UTRN: variants seen among roughly 807,000 people sequenced by gnomAD.
UTRN encodes the protein utrophin.
Under a neutral mutation model 463.9 loss-of-function variants are expected in UTRN, and 283 were observed. That is an observed-to-expected ratio of 0.61 (90% CI 0.55 to 0.67). The LOEUF (loss-of-function observed/expected upper bound fraction) is 0.67. UTRN is among the 30% of genes least tolerant of loss of function. The probability of loss-of-function intolerance (pLI) is 0.00; values close to 1 mark genes in which losing one functional copy is unlikely to be tolerated. For missense variants in UTRN, 3,922 were observed against 4,084.3 expected, an observed-to-expected ratio of 0.96 and a Z score of 1.08; for synonymous variants, 1,442 against 1,431.5, an observed-to-expected ratio of 1.01 and a Z score of -0.17.
intron 53 of UTRN, chr6:144,707,029 G>A (rs1785167739): frequency 6.6e-6 from 1 of 152,168 alleles, no homozygotes; most frequent in Non-Finnish European, 1.5e-5. Context: ...ATCCTGGATT[G>A]TAGTATGCCT....
Position 144,424,103 on chromosome 6 carries a change from T to C in UTRN, c.405+25T>C, listed in dbSNP as rs780979510. Reference sequence around the variant, plus strand: ...GGTGGGGAAATTTCCAATCACTTTTTAATAGAGATGGAAAATGTGTTGTTT... The same window carrying C: ...GGTGGGGAAATTTCCAATCACTTTTCAATAGAGATGGAAAATGTGTTGTTT... On this transcript the variant is annotated intron_variant, in intron 6 of 74. Transcript: ENST00000367545. The C allele has an allele frequency of 5.0e-6, 8 of 1,603,702 alleles. No individual in the cohort carries two copies. In the African/African-American group the frequency reaches 9.4e-5, roughly 19 times the overall value.
intron 52 of UTRN, among the ~76,000 whole-genome samples, chr6:144,683,712 GGTTAATTTCCTCA>G (rs1782445366): frequency 1.3e-5 from 2 of 152,088 alleles, no homozygotes; most frequent in African/African-American, 4.8e-5. Context: ...TTTCAATAGA[GGTTAATTTCCTCA>G]TTTTCCTCAC....
intron 22 of UTRN, among the ~76,000 whole-genome samples, chr6:144,461,711 G>C (rs1473965285): frequency 1.3e-5 from 2 of 152,170 alleles, no homozygotes; most frequent in African/African-American, 4.8e-5. Context: ...GTAGCCTTAT[G>C]GCTCTGTGCT....
At chr6:144,584,144 G>T (rs886447856) in intron 51 of UTRN, among the ~76,000 whole-genome samples, 2 of 152,258 alleles carry the variant, frequency 1.3e-5, no homozygotes, top group East Asian at 3.9e-4. Flanking sequence ...TACACTTGAA[G>T]AATTTAATTT....
chr6:144,496,750 G>A (rs768295748), intron 33 of UTRN, among the ~76,000 whole-genome samples: 3 of 152,192 alleles, frequency 2.0e-5, no homozygotes, highest in Non-Finnish European at 4.4e-5. Context: ...TATGAAGAAT[G>A]TACATGGTTC....
intron 66 of UTRN, among the ~76,000 whole-genome samples, chr6:144,823,050 C>A (rs1779737385): frequency 6.6e-6 from 1 of 152,036 alleles, no homozygotes; most frequent in Non-Finnish European, 1.5e-5. Context: ...TTCTGAGTGA[C>A]TCTATTAGGT....
chr6:144,335,160 C>T (rs1187406546), intron 2 of UTRN, among the ~76,000 whole-genome samples: 1 of 152,174 alleles, frequency 6.6e-6, no homozygotes. Context: ...TACTACTGGA[C>T]ATTCTCTGGC....
rs190061068 is a variant in UTRN, at chr6:144,663,241, C to G, written c.7480-15165C>G. 1.1e-4 allele frequency among the ~76,000 whole-genome samples: 16 copies of G among 152,040 alleles called. 1 individual carries two copies. The highest frequency in any genetic ancestry group is 3.9e-4 in the African/African-American group (16 of 41,396). On this transcript the variant is annotated intron_variant, in intron 51 of 74. Transcript: ENST00000367545. ...TGACCCCATACCAAGATGTGCCTGC[C>G]AGCAAGCAGGTCCTAATCATCTAAC... is the stretch of plus-strand genomic sequence containing the variant.
At chr6:144,583,268 T>TG (rs768385216) in intron 51 of UTRN, 53 of 409,458 alleles carry the variant, frequency 1.3e-4, no homozygotes, top group Non-Finnish European at 1.1e-4. Context: ...GAGCATCTGC[T>TG]GGGGGGCTTT....
intron 73 of UTRN, among the ~76,000 whole-genome samples, chr6:144,846,092 G>A (rs186388711): frequency 1.1e-3 from 163 of 152,314 alleles, no homozygotes; most frequent in African/African-American, 3.7e-3. Context: ...CAAAAGAGGG[G>A]ACGAAAAGCA....
chr6:144,834,813 A>G (rs1780970309), intron 69 of UTRN, among the ~76,000 whole-genome samples: 1 of 152,186 alleles, frequency 6.6e-6, no homozygotes, highest in Non-Finnish European at 1.5e-5. Flanking sequence ...GAGCTGCTTC[A>G]GTCATGAGAT....
chr6:144,631,162 G>T (rs921869931), intron 51 of UTRN, among the ~76,000 whole-genome samples: 1 of 151,674 alleles, frequency 6.6e-6, no homozygotes, highest in Non-Finnish European at 1.5e-5. Flanking sequence ...AGTTTTTGAG[G>T]TTGCATTGCT....
intron 73 of UTRN, 149 bp downstream of exon 73, chr6:144,840,981 A>G (rs1270988653): frequency 1.2e-6 from 1 of 862,504 alleles, no homozygotes; most frequent in Non-Finnish European, 1.7e-6. Context: ...CAAACATTAT[A>G]TAAGAAAATG....
chr6:144,627,549 C>T (rs1026409283), intron 51 of UTRN, among the ~76,000 whole-genome samples: 1 of 152,090 alleles, frequency 6.6e-6, no homozygotes, highest in African/African-American at 2.4e-5. Flanking sequence ...CACCATTAGC[C>T]ATCTCTGGAA....
At chr6:144,456,719 G>C (rs1485363358) in intron 19 of UTRN, among the ~76,000 whole-genome samples, 4 of 150,652 alleles carry the variant, frequency 2.7e-5, no homozygotes, top group Non-Finnish European at 5.9e-5. Context: ...TGTTTCATTT[G>C]ACTTTCATAG....
At chr6:144,296,459 C>T (rs577702263) in intron 2 of UTRN, among the ~76,000 whole-genome samples, 42 of 152,322 alleles carry the variant, frequency 2.8e-4, no homozygotes, top group African/African-American at 1.0e-3. Flanking sequence ...GACTGCTGCA[C>T]TTTAATTAAC....
chr6:144,791,635 C>A (rs905213287), intron 62 of UTRN, among the ~76,000 whole-genome samples: 3 of 150,970 alleles, frequency 2.0e-5, no homozygotes, highest in Non-Finnish European at 2.9e-5. Context: ...CTCTTCTGTG[C>A]TTATTTATTA....
At chr6:144,325,331 G>A (rs907795105) in intron 2 of UTRN, among the ~76,000 whole-genome samples, 1 of 152,152 alleles carries the variant, frequency 6.6e-6, no homozygotes, top group Non-Finnish European at 1.5e-5. Context: ...GTTATCTTGA[G>A]AATGGCCTTG....
intron 2 of UTRN, among the ~76,000 whole-genome samples, chr6:144,382,519 A>G (rs1781027130): frequency 6.6e-6 from 1 of 152,162 alleles, no homozygotes; most frequent in South Asian, 2.1e-4. Context: ...TTTGACCATG[A>G]TGACAGTTGG....
Sources: allele counts gnomAD v4.1 joint callset (sites outside exome capture counted in the v4.1 genomes callset), GRCh38; gene constraint gnomAD v4.1.1; transcripts MANE v1.5; gene names NCBI Gene and HGNC (gene_info 2026-07-23, HGNC 2026-07-21).